Variants in PLCG2 observed in about 807,000 individuals in gnomAD.
PLCG2 encodes the protein 1-phosphatidylinositol 4,5-bisphosphate phosphodiesterase gamma-2.
A neutral mutation model predicts 175.6 loss-of-function variants in PLCG2; 69 were observed. That is an observed-to-expected ratio of 0.39 (90% CI 0.32 to 0.48). The LOEUF is 0.48. Ranked by LOEUF, PLCG2 falls within the 20% of genes least tolerant of loss-of-function variation. The pLI is 0.91. For missense variants in PLCG2, 1,798 were observed against 1,650.9 expected (o/e 1.09, Z -1.54); for synonymous variants, 827 against 624.0 (o/e 1.33, Z -4.85).
At chr16:81,742,905 C>A (rs183623480) in intron 1 of PLCG2, among the ~76,000 whole-genome samples, 3 of 152,310 alleles carry the variant, frequency 2.0e-5, no homozygotes, top group Admixed American at 1.3e-4. Flanking sequence ...TGAAGAGGGC[C>A]TGCTCTGTGT....
chr16:81,805,767 GTTTTTTTTTTTTTTTGTT>G (rs943191397), intron 2 of PLCG2, among the ~76,000 whole-genome samples: 2 of 39,520 alleles, frequency 5.1e-5, no homozygotes, highest in African/African-American at 1.2e-4. Flanking sequence ...GTTTTGTTTT[GTTTTTTTTTTTTTTTGTT>G]TTTTTTTTTT....
At chr16:81,939,668 T>G (rs1292340231) in intron 29 of PLCG2, among the ~76,000 whole-genome samples, 2 of 152,214 alleles carry the variant, frequency 1.3e-5, no homozygotes, top group Non-Finnish European at 2.9e-5. Flanking sequence ...GGTGGTCTCC[T>G]TCCTCTGCTC....
intron 2 of PLCG2, among the ~76,000 whole-genome samples, chr16:81,816,500 C>A (rs2143315756): frequency 6.7e-6 from 1 of 148,958 alleles, no homozygotes; most frequent in East Asian, 2.0e-4. Flanking sequence ...TTTTTTGAGA[C>A]ACGGTCTCAT....
chr16:81,820,358 C>A (rs1384374440), intron 2 of PLCG2, among the ~76,000 whole-genome samples: 1 of 152,130 alleles, frequency 6.6e-6, no homozygotes, highest in Non-Finnish European at 1.5e-5. Context: ...GCCACCCCAA[C>A]CTACTTTGAG....
At chr16:81,778,062 A>C (rs1487616678), upstream of PLCG2, among the ~76,000 whole-genome samples, 2 of 112,988 alleles carry the variant, frequency 1.8e-5, no homozygotes, top group Non-Finnish European at 3.6e-5. Flanking sequence ...AAACAAAAAA[A>C]ACCAAAAACA....
At chr16:81,856,361 A>G (rs973087273) in intron 3 of PLCG2, among the ~76,000 whole-genome samples, 3 of 152,176 alleles carry the variant, frequency 2.0e-5, no homozygotes, top group Admixed American at 2.0e-4. Flanking sequence ...CCTGAATGTT[A>G]CACAGCCCTG....
chr16:81,856,807 A>G (rs556366909), intron 3 of PLCG2, among the ~76,000 whole-genome samples: 3 of 152,288 alleles, frequency 2.0e-5, no homozygotes, highest in East Asian at 3.9e-4. Flanking sequence ...GGATCTTGAG[A>G]TGGGAAATAT....
chr16:81,826,941 C>CCTCCTGT (rs1281218032), intron 2 of PLCG2, among the ~76,000 whole-genome samples: 1 of 152,188 alleles, frequency 6.6e-6, no homozygotes, highest in East Asian at 1.9e-4. Flanking sequence ...CAGCCTCCTG[C>CCTCCTGT]CTCCTGTGGA....
intron 2 of PLCG2, among the ~76,000 whole-genome samples, chr16:81,827,734 A>G (rs979880211): frequency 2.0e-5 from 3 of 152,114 alleles, no homozygotes; most frequent in Non-Finnish European, 4.4e-5. Context: ...CTGCAGGCTC[A>G]GGGTCCACAG....
chr16:81,778,031 AC>A (rs1218676493), upstream of PLCG2, among the ~76,000 whole-genome samples: 123 of 65,294 alleles, frequency 1.9e-3, 1 homozygote, highest in African/African-American at 5.1e-3. Context: ...AAAAAAAAAA[AC>A]AAAAAAAAAA....
At chr16:81,811,958 A>C (rs550164316) in intron 2 of PLCG2, among the ~76,000 whole-genome samples, 1 of 151,504 alleles carries the variant, frequency 6.6e-6, no homozygotes, top group South Asian at 2.1e-4. Context: ...GTCTTCCACA[A>C]TGGTTGAACT....
intron 25 of PLCG2, 136 bp from the exon 26 acceptor site, chr16:81,934,293 A>C (rs1462826693): frequency 1.6e-6 from 1 of 627,906 alleles, no homozygotes; most frequent in African/African-American, 1.8e-5. Context: ...GTCTTCAGGA[A>C]AGGAAAACAT....
At chr16:81,775,267 C>A (rs1025065490), upstream of PLCG2, among the ~76,000 whole-genome samples, 2 of 152,152 alleles carry the variant, frequency 1.3e-5, no homozygotes, top group African/African-American at 4.8e-5. Flanking sequence ...TCCTTGGCAA[C>A]CACTGATCTA....
At chr16:81,905,537 G>T (rs868793504) in intron 15 of PLCG2, 30 bp downstream of exon 15, 1 of 1,470,678 alleles carries the variant, frequency 6.8e-7, no homozygotes, top group South Asian at 1.1e-5. Context: ...CGTAGCCACT[G>T]CGGCCACGCC....
At chr16:81,885,881 G>T (rs1385544630) in intron 9 of PLCG2, among the ~76,000 whole-genome samples, 1 of 152,172 alleles carries the variant, frequency 6.6e-6, no homozygotes, top group Non-Finnish European at 1.5e-5. Flanking sequence ...CCTAGTGCCG[G>T]GGTTGAATGA....
chr16:81,832,281 G>A (rs546201988), intron 2 of PLCG2, among the ~76,000 whole-genome samples: 3 of 152,304 alleles, frequency 2.0e-5, no homozygotes, highest in Non-Finnish European at 4.4e-5. Context: ...CCTGGGCTCC[G>A]CTCCACATGG....
upstream of PLCG2, among the ~76,000 whole-genome samples, chr16:81,775,467 T>G (rs1001564250): frequency 6.6e-6 from 1 of 152,128 alleles, no homozygotes; most frequent in Non-Finnish European, 1.5e-5. Flanking sequence ...TTCTTCCCAG[T>G]AACAATTCCT....
chr16:81,941,692 G>A (rs918862335), intron 30 of PLCG2, among the ~76,000 whole-genome samples: 2 of 144,474 alleles, frequency 1.4e-5, no homozygotes, highest in Non-Finnish European at 3.0e-5. Flanking sequence ...CACCCACACT[G>A]TAAACTCCCC....
At chr16:81,844,694 G>A (rs558237279) in intron 2 of PLCG2, among the ~76,000 whole-genome samples, 2 of 152,310 alleles carry the variant, frequency 1.3e-5, no homozygotes, top group South Asian at 4.1e-4. Flanking sequence ...TCTGGATTGT[G>A]CATTTTGCAT....
Sources: allele counts gnomAD v4.1 joint callset (sites outside exome capture counted in the v4.1 genomes callset), GRCh38; gene constraint gnomAD v4.1.1; transcripts MANE v1.5; gene names NCBI Gene and HGNC (gene_info 2026-07-23, HGNC 2026-07-21).